The following SAE1 variants were observed in gnomAD, a reference collection of about 807,000 sequenced individuals.
SAE1 encodes SUMO-activating enzyme subunit 1.
SAE1 carries 11 observed loss-of-function variants against 40.6 expected under a neutral mutation model. The ratio of observed to expected loss-of-function variants is 0.27; its 90% confidence interval spans 0.17 to 0.45. SAE1 has a LOEUF of 0.45. SAE1 is among the 20% of genes least tolerant of loss of function. SAE1 has a pLI of 1.00. For missense variants in SAE1, 373 were observed against 427.3 expected (o/e 0.87, Z 1.12); for synonymous variants, 155 against 154.3 (o/e 1.00, Z -0.03).
intron 8 of SAE1, among the ~76,000 whole-genome samples, chr19:47,207,545 G>GTGAA (rs1332085774): frequency 4.6e-5 from 7 of 152,136 alleles, no homozygotes; most frequent in African/African-American, 1.7e-4. Context: ...TGTGACAATT[G>GTGAA]TGAACCCTTT....
chr19:47,186,945 G>T (rs1040532977), intron 6 of SAE1, among the ~76,000 whole-genome samples: 1 of 152,166 alleles, frequency 6.6e-6, no homozygotes. Context: ...TGTGAGCTCC[G>T]CGTGTGAGGG....
chr19:47,168,110 T>C (rs960299919), intron 5 of SAE1, among the ~76,000 whole-genome samples: 10 of 152,058 alleles, frequency 6.6e-5, no homozygotes, highest in Non-Finnish European at 1.2e-4. Context: ...CGAGAATTGC[T>C]TGAACCCAGG....
At chr19:47,206,362 G>A (rs1274034137) in intron 8 of SAE1, among the ~76,000 whole-genome samples, 4 of 152,140 alleles carry the variant, frequency 2.6e-5, no homozygotes, top group African/African-American at 2.4e-5. Flanking sequence ...GCTGGCAGGC[G>A]GGGCCTGCAG....
At chr19:47,172,428 G>T (rs2058440424) in intron 6 of SAE1, among the ~76,000 whole-genome samples, 1 of 152,132 alleles carries the variant, frequency 6.6e-6, no homozygotes, top group African/African-American at 2.4e-5. Flanking sequence ...GTTGCTCACT[G>T]CCTCGCACAT....
In SAE1 at chr19:47,197,343, A is replaced by G. The variant is rs373455292; in HGVS notation, c.844A>G (p.Ile282Val). Reference sequence around the variant, plus strand: ...AAATGATGTGCTTGACTCACTGGGTATTAGTCCTGACCTGCTTCCTGAGGA... The same window carrying G: ...AAATGATGTGCTTGACTCACTGGGTGTTAGTCCTGACCTGCTTCCTGAGGA... ...IRNDVLDSLG[I>V]SPDLLPEDFV... The change falls in exon 7 of 9, where the codon ATT (isoleucine) becomes GTT (valine). Residue 282 changes from isoleucine (I) to valine (V), a missense_variant. Ile to Val is a conservative substitution (Grantham distance 29). Transcript: ENST00000270225. 136 of 1,614,058 alleles carry G rather than the reference A, an allele frequency of 8.4e-5. No individual in the cohort carries two copies. The African/African-American group carries it at 1.6e-3, about 19-fold the overall frequency.
chr19:47,179,190 T>G (rs1211957672), intron 6 of SAE1, among the ~76,000 whole-genome samples: 4 of 117,442 alleles, frequency 3.4e-5, no homozygotes, highest in Non-Finnish European at 7.0e-5. Flanking sequence ...AGGCTCTGTC[T>G]CCAAAAAAAA....
At chr19:47,139,139 A>T (rs776307531) in intron 1 of SAE1, among the ~76,000 whole-genome samples, 1 of 151,870 alleles carries the variant, frequency 6.6e-6, no homozygotes, top group Non-Finnish European at 1.5e-5. Context: ...TTGAGTAGAG[A>T]TGGAGTTTCA....
At chr19:47,142,520 CCAT>C (rs76532720) in intron 1 of SAE1, 56,500 of 151,842 alleles carry the variant, frequency 0.37, 11,906 homozygotes, top group Non-Finnish European at 0.48. Flanking sequence ...GTTTGAGCCA[CCAT>C]CATCCTCCCT....
At chr19:47,152,455 G>A (rs1380611094) in intron 3 of SAE1, among the ~76,000 whole-genome samples, 3 of 152,140 alleles carry the variant, frequency 2.0e-5, no homozygotes, top group African/African-American at 4.8e-5. Flanking sequence ...CAAAAGGAGG[G>A]GGGTAAAAAG....
chr19:47,184,905 C>T (rs1188667089), intron 6 of SAE1, among the ~76,000 whole-genome samples: 3 of 151,942 alleles, frequency 2.0e-5, no homozygotes, highest in African/African-American at 7.3e-5. Context: ...ACTGAAACCT[C>T]TACCTCCCAA....
rs1431857724 is a variant in SAE1, at chr19:47,152,976, A to G, written c.463A>G (p.Thr155Ala). The change falls in exon 4 of 9, where the codon ACA (threonine) becomes GCA (alanine). Residue 155 changes from threonine (T) to alanine (A), a missense_variant. Coordinates refer to ENST00000270225, the MANE Select transcript of SAE1 (RefSeq NM_005500.3). ...TCACAAAAATAGCATCAAGTTCTTT[A>G]CAGGAGATGTTTTTGGCTACCATGG... ...ICHKNSIKFF[T>A]GDVFGYHGYT... 1 of 1,613,304 alleles carries G rather than the reference A, an allele frequency of 6.2e-7. No homozygotes were observed.
intron 2 of SAE1, among the ~76,000 whole-genome samples, chr19:47,148,673 G>A (rs1011850226): frequency 7.3e-5 from 11 of 150,508 alleles, no homozygotes; most frequent in African/African-American, 2.2e-4. Flanking sequence ...GGAGTGCAGT[G>A]GCACGACCTG....
chr19:47,175,371 G>C (rs2058463081), intron 6 of SAE1, among the ~76,000 whole-genome samples: 2 of 152,008 alleles, frequency 1.3e-5, no homozygotes, highest in African/African-American at 4.8e-5. Flanking sequence ...TCATATCCGT[G>C]GTTTTATAGA....
chr19:47,145,164 G>C (rs2058248016), intron 2 of SAE1, among the ~76,000 whole-genome samples: 1 of 152,004 alleles, frequency 6.6e-6, no homozygotes, highest in Non-Finnish European at 1.5e-5. Flanking sequence ...CACCATGCCT[G>C]GCTAATTTAA....
At chr19:47,144,586 C>CCT (rs2058243184) in intron 2 of SAE1, among the ~76,000 whole-genome samples, 2 of 151,708 alleles carry the variant, frequency 1.3e-5, no homozygotes, top group African/African-American at 4.8e-5. Flanking sequence ...GTGGTCCCAG[C>CCT]TACTCGGGAG....
rs147427971 is a variant in SAE1, at chr19:47,185,362, C to T, written c.734-11871C>T. Among the ~76,000 whole-genome samples, 256 of 151,924 alleles carry T rather than the reference C, an allele frequency of 1.7e-3. 2 individuals carry two copies. The highest frequency in any genetic ancestry group is 5.6e-3 in the African/African-American group (232 of 41,422). ...TTGCTCTGTCACCCAGGTTGGAGTGCGGTGGTGTGTCGGCTCACTGCGACC... is the reference window on the plus strand; with the variant it reads ...TTGCTCTGTCACCCAGGTTGGAGTGTGGTGGTGTGTCGGCTCACTGCGACC... On this transcript the variant is annotated intron_variant, in intron 6 of 8. Transcript: ENST00000270225.
chr19:47,177,156 A>G (rs975302530), intron 6 of SAE1, among the ~76,000 whole-genome samples: 3 of 152,212 alleles, frequency 2.0e-5, no homozygotes, highest in African/African-American at 7.2e-5. Flanking sequence ...TGAGCCACAG[A>G]ATTGAAGCTG....
In SAE1 at chr19:47,130,930, C is replaced by T; in HGVS notation, c.-1C>T. 2 of 1,549,764 alleles carry T rather than the reference C, an allele frequency of 1.3e-6. No individual in the cohort carries two copies. The highest frequency in any genetic ancestry group is 2.4e-5 in the East Asian group (1 of 40,856). ...GAGCTGAGGCAGGAAGAGCCGGCGC[C>T]ATGGTGGAGAAGGAGGAGGCTGGCG... On this transcript the variant is annotated 5_prime_UTR_variant, in exon 1 of 9. Coordinates refer to ENST00000270225, the MANE Select transcript of SAE1 (RefSeq NM_005500.3).
At chr19:47,143,715 C>A in intron 2 of SAE1, 110 bp downstream of exon 2, 1 of 768,498 alleles carries the variant, frequency 1.3e-6, no homozygotes, top group Non-Finnish European at 2.2e-6. Flanking sequence ...GAAAGGAGGG[C>A]TAACATTAAT....
Sources: allele counts gnomAD v4.1 joint callset (sites outside exome capture counted in the v4.1 genomes callset), GRCh38; gene constraint gnomAD v4.1.1; transcripts MANE v1.5; gene names NCBI Gene and HGNC (gene_info 2026-07-23, HGNC 2026-07-21).